The following FGGY variants were observed in gnomAD, a reference collection of about 807,000 sequenced individuals.
FGGY encodes FGGY carbohydrate kinase domain-containing protein.
In FGGY, 72 loss-of-function variants were observed where a neutral mutation model predicts 71.3. The observed-to-expected ratio is 1.01, with a 90% CI of 0.84 to 1.23. The LOEUF is 1.23. Ranked by LOEUF, FGGY falls within the 50% of genes most tolerant of loss-of-function variation. The probability of loss-of-function intolerance (pLI) is 0.00; values close to 1 mark genes in which losing one functional copy is unlikely to be tolerated. For missense variants in FGGY, 668 were observed against 682.3 expected (o/e 0.98, Z 0.23); for synonymous variants, 251 against 250.3 (o/e 1.00, Z -0.02).
chr1:59,424,323 C>T (rs61789982), intron 5 of FGGY, among the ~76,000 whole-genome samples: 19,180 of 152,100 alleles, frequency 0.13, 1,669 homozygotes, highest in East Asian at 0.36. Flanking sequence ...CCGAGGCAGG[C>T]GAATCATGAG....
chr1:59,624,803 C>G (rs1348883280), intron 9 of FGGY, among the ~76,000 whole-genome samples: 1 of 152,092 alleles, frequency 6.6e-6, no homozygotes, highest in Non-Finnish European at 1.5e-5. Context: ...CCACTGGGTC[C>G]CTCCCACAAC....
chr1:59,741,408 G>A (rs937471695), intron 14 of FGGY, among the ~76,000 whole-genome samples: 4 of 152,148 alleles, frequency 2.6e-5, no homozygotes, highest in Admixed American at 6.5e-5. Flanking sequence ...CATGTAAGAC[G>A]TGCTTGCCTT....
At chr1:59,348,205 A>AC (rs1385315241) in intron 4 of FGGY, among the ~76,000 whole-genome samples, 2 of 152,212 alleles carry the variant, frequency 1.3e-5, no homozygotes, top group African/African-American at 4.8e-5. Flanking sequence ...GAGGTTAATT[A>AC]CCGTTCCAAT....
chr1:59,422,767 T>A (rs2065684534), intron 5 of FGGY, among the ~76,000 whole-genome samples: 1 of 151,468 alleles, frequency 6.6e-6, no homozygotes, highest in Non-Finnish European at 1.5e-5. Flanking sequence ...AAGCACTAGG[T>A]AAATATTAAT....
chr1:59,485,983 A>C (rs1204175834), intron 6 of FGGY, among the ~76,000 whole-genome samples: 1 of 152,204 alleles, frequency 6.6e-6, no homozygotes, highest in Non-Finnish European at 1.5e-5. Flanking sequence ...CTAAACTCCA[A>C]CTTTTCCCTA....
chr1:59,299,397 C>T (rs1258136315), intron 1 of FGGY, among the ~76,000 whole-genome samples: 3 of 152,148 alleles, frequency 2.0e-5, no homozygotes, highest in Non-Finnish European at 2.9e-5. Context: ...GATACATACT[C>T]TCAGGTTTAT....
intron 6 of FGGY, among the ~76,000 whole-genome samples, chr1:59,483,968 A>G (rs896736389): frequency 1.3e-5 from 2 of 152,156 alleles, no homozygotes; most frequent in African/African-American, 4.8e-5. Context: ...TAGTGTACTG[A>G]TAATGGTTAT....
intron 4 of FGGY, among the ~76,000 whole-genome samples, chr1:59,366,549 A>T (rs1263711147): frequency 6.6e-6 from 1 of 152,200 alleles, no homozygotes; most frequent in African/African-American, 2.4e-5. Flanking sequence ...CAATAATGTT[A>T]TGAGGCTGAC....
intron 7 of FGGY, among the ~76,000 whole-genome samples, chr1:59,512,806 T>G (rs1375426682): frequency 6.6e-6 from 1 of 152,244 alleles, no homozygotes; most frequent in Non-Finnish European, 1.5e-5. Flanking sequence ...GTCTCTTAGA[T>G]TTATTTTAAT....
chr1:59,547,015 C>T lies in FGGY; in HGVS notation c.800-7109C>T, dbSNP rs192008685. ...TGGCCCAGGCTTGAATGCAGTGGCGCGATCTCGATTCACTGCATCCTCCAC... is the reference window on the plus strand; with the variant it reads ...TGGCCCAGGCTTGAATGCAGTGGCGTGATCTCGATTCACTGCATCCTCCAC... On this transcript the variant is annotated intron_variant, in intron 7 of 15. Coordinates refer to ENST00000303721, the MANE Select transcript of FGGY (RefSeq NM_018291.5). Among the ~76,000 whole-genome samples, 85 of 144,550 alleles carry T rather than the reference C, an allele frequency of 5.9e-4. 1 individual carries two copies. The highest frequency in any genetic ancestry group is 1.0e-3 in the Non-Finnish European group (70 of 66,874). 94.8% of individuals were successfully genotyped at this position (144,550 alleles called of 152,430 possible). A position where few individuals can be genotyped will look rare whatever the true frequency, so the allele number is the denominator to read the frequency against.
chr1:59,376,874 C>T (rs2058722313), intron 4 of FGGY, among the ~76,000 whole-genome samples: 1 of 152,176 alleles, frequency 6.6e-6, no homozygotes, highest in African/African-American at 2.4e-5. Flanking sequence ...GTCTTCTTTA[C>T]TATTCTGTTT....
intron 6 of FGGY, among the ~76,000 whole-genome samples, chr1:59,498,542 T>C (rs1392345661): frequency 6.6e-6 from 1 of 152,112 alleles, no homozygotes; most frequent in African/African-American, 2.4e-5. Flanking sequence ...TCTTCATACC[T>C]TGGTGTGCGT....
In FGGY at chr1:59,365,049, G is replaced by A. The variant is rs540516258; in HGVS notation, c.466-13700G>A. The stretch of plus-strand genomic sequence containing the variant: ...CACTTGGGGGAAGATAGCAGATTCT[G>A]TCTTGGACGTGTTGAGTTGGAGGTA... On this transcript the variant is annotated intron_variant, in intron 4 of 15. Coordinates refer to ENST00000303721, the MANE Select transcript of FGGY (RefSeq NM_018291.5). 3.9e-5 allele frequency among the ~76,000 whole-genome samples: 6 copies of A among 152,330 alleles called. 1 individual carries two copies. In the South Asian group the frequency reaches 1.0e-3, roughly 26 times the overall value.
chr1:59,337,408 C>G (rs906934067), intron 2 of FGGY, among the ~76,000 whole-genome samples: 2 of 152,072 alleles, frequency 1.3e-5, no homozygotes, highest in Non-Finnish European at 2.9e-5. Flanking sequence ...TTGTTCTAAT[C>G]ACACCCATTA....
At position 59,747,832 on chromosome 1, in the gene FGGY, A is replaced by G. The variant is rs573603871; in HGVS notation, c.1513-10099A>G. 7.2e-5 allele frequency among the ~76,000 whole-genome samples: 11 copies of G among 152,318 alleles called. No homozygotes were observed. In the South Asian group the frequency reaches 8.3e-4, roughly 11 times the overall value. On this transcript the variant is annotated intron_variant, in intron 14 of 15. Transcript: ENST00000303721. The stretch of plus-strand genomic sequence containing the variant: ...GCTTTTAGGGCTTTACAGGGCCCCA[A>G]AGTCATCAGAAGAAAATAAATTGTC...
intron 10 of FGGY, 122 bp from the exon 11 acceptor site, chr1:59,638,106 C>T (rs2096980104): frequency 1.3e-5 from 12 of 957,348 alleles, no homozygotes; most frequent in Non-Finnish European, 1.9e-5. Context: ...GCTAGCTTCT[C>T]TGAAGCTTTT....
chr1:59,593,691 A>G (rs887025992), intron 8 of FGGY, among the ~76,000 whole-genome samples: 5 of 152,148 alleles, frequency 3.3e-5, no homozygotes, highest in South Asian at 4.1e-4. Context: ...TTTTATCTTT[A>G]TTGAGGTGCT....
At chr1:59,467,147 G>T (rs2092684499) in intron 6 of FGGY, among the ~76,000 whole-genome samples, 2 of 152,066 alleles carry the variant, frequency 1.3e-5, no homozygotes. Flanking sequence ...GTAACAGATA[G>T]ACACCATGGA....
At chr1:59,721,771 G>C (rs1379819319) in intron 14 of FGGY, among the ~76,000 whole-genome samples, 1 of 151,668 alleles carries the variant, frequency 6.6e-6, no homozygotes, top group East Asian at 1.9e-4. Flanking sequence ...TTGTTCACCA[G>C]TTTGGAATGC....
Sources: gnomAD v4.1 joint callset for allele counts (sites outside exome capture counted in the v4.1 genomes callset) on GRCh38, gnomAD v4.1.1 for gene constraint, MANE v1.5 for transcripts, NCBI Gene and HGNC (gene_info 2026-07-23, HGNC 2026-07-21) for gene names.